The following USH2A variants were observed in gnomAD, a reference collection of about 807,000 sequenced individuals.
USH2A encodes the protein usherin.
USH2A carries 443 observed loss-of-function variants against 538.9 expected under a neutral mutation model. The observed-to-expected ratio is 0.82, with a 90% confidence interval of 0.76 to 0.89. The LOEUF is 0.89. Ranked by LOEUF, USH2A falls within the 40% of genes least tolerant of loss-of-function variation. USH2A has a pLI of 0.00. For missense variants in USH2A, 6,633 were observed against 6,324.8 expected (o/e 1.05, Z -1.65); for synonymous variants, 2,413 against 2,273.5 (o/e 1.06, Z -1.75).
chr1:216,211,235 G>C (rs914744198), intron 15 of USH2A, among the ~76,000 whole-genome samples: 1 of 152,134 alleles, frequency 6.6e-6, no homozygotes, highest in Admixed American at 6.5e-5. Flanking sequence ...AACCCAAGGA[G>C]GGAGTCATAG....
At chr1:215,871,180 C>A (rs535001205) in intron 43 of USH2A, among the ~76,000 whole-genome samples, 2 of 152,250 alleles carry the variant, frequency 1.3e-5, no homozygotes, top group Admixed American at 1.3e-4. Flanking sequence ...CTCCACTCCC[C>A]AAACAGCAAA....
At chr1:215,954,754 G>T (rs1013152192) in intron 37 of USH2A, among the ~76,000 whole-genome samples, 1 of 152,000 alleles carries the variant, frequency 6.6e-6, no homozygotes, top group Non-Finnish European at 1.5e-5. Flanking sequence ...AAAATTTTTT[G>T]TAATTATTGC....
At chr1:215,804,385 T>C (rs1483757249) in intron 49 of USH2A, among the ~76,000 whole-genome samples, 1 of 152,106 alleles carries the variant, frequency 6.6e-6, no homozygotes, top group Non-Finnish European at 1.5e-5. Context: ...AATCTACTCA[T>C]CTGACAAAGG....
At chr1:215,771,779 G>A (rs1277845447) in intron 55 of USH2A, among the ~76,000 whole-genome samples, 1 of 151,906 alleles carries the variant, frequency 6.6e-6, no homozygotes, top group Non-Finnish European at 1.5e-5. Flanking sequence ...TAGACTACAA[G>A]GAAGTTTTCT....
At chr1:216,231,121 C>T (rs943841872) in intron 14 of USH2A, among the ~76,000 whole-genome samples, 5 of 147,878 alleles carry the variant, frequency 3.4e-5, no homozygotes, top group African/African-American at 1.0e-4. Context: ...TTCTCATCTG[C>T]CAGTCTTTAA....
chr1:215,792,285 C>G (rs11120632), intron 50 of USH2A, among the ~76,000 whole-genome samples: 51,458 of 151,972 alleles, frequency 0.34, 8,833 homozygotes, highest in African/African-American at 0.38. Flanking sequence ...AAAAAAGATG[C>G]CTTCTTTCAC....
intron 41 of USH2A, 69 bp from the exon 42 acceptor site, chr1:215,879,167 C>A: frequency 7.0e-7 from 1 of 1,421,414 alleles, no homozygotes; most frequent in Non-Finnish European, 9.9e-7. Flanking sequence ...TTCACGAGGC[C>A]TAGAATTTTG....
rs2036145835 is a variant in USH2A, at chr1:216,250,887, T to C, written c.2167+16A>G. 2 of 1,613,410 alleles carry C rather than the reference T, an allele frequency of 1.2e-6. No homozygotes were observed. The highest frequency in any genetic ancestry group is 1.3e-5 in the African/African-American group (1 of 75,052). On this transcript the variant is annotated intron_variant, in intron 12 of 71. Transcript: ENST00000307340. The stretch of plus-strand genomic sequence containing the variant: ...GGTAATAGAGATGTGACTGTAAACT[T>C]TTGCGTTACACGTACCAATAACGTT...
chr1:215,863,310 C>A (rs1664379751), intron 44 of USH2A, among the ~76,000 whole-genome samples: 1 of 152,094 alleles, frequency 6.6e-6, no homozygotes, highest in Admixed American at 6.6e-5. Context: ...CAGATGTGGT[C>A]TCTTCTATTT....
At chr1:215,861,596 C>G (rs1194459991) in intron 44 of USH2A, among the ~76,000 whole-genome samples, 2 of 152,102 alleles carry the variant, frequency 1.3e-5, no homozygotes, top group Admixed American at 1.3e-4. Context: ...TGTCCTCATT[C>G]CAGTCCAGGG....
At chr1:216,147,708 G>A (rs750236537) in intron 21 of USH2A, among the ~76,000 whole-genome samples, 8 of 150,486 alleles carry the variant, frequency 5.3e-5, no homozygotes, top group Non-Finnish European at 1.2e-4. Flanking sequence ...GCAATTCCTT[G>A]CCTCCACTGT....
intron 9 of USH2A, among the ~76,000 whole-genome samples, chr1:216,294,746 T>G (rs934677278): frequency 6.6e-6 from 1 of 151,998 alleles, no homozygotes; most frequent in African/African-American, 2.4e-5. Context: ...AATTGTTATA[T>G]CTTCACTATT....
rs2102821801 is a variant in USH2A, at chr1:215,844,375, A to C, written c.9177T>G (p.Asn3059Lys). The C allele has an allele frequency of 1.2e-6, 2 of 1,613,840 alleles. No individual in the cohort carries two copies. The highest frequency in any genetic ancestry group is 1.7e-6 in the Non-Finnish European group (2 of 1,179,880). The part of the protein sequence containing the change: ...VVTEYSIYVN[N>K]KLYKTGMNVP... ...CATTCATTCCAGTCTTGTAGAGCTTATTATTTACATAGATAGAATACTCAG... is the reference window on the plus strand; with the variant it reads ...CATTCATTCCAGTCTTGTAGAGCTTCTTATTTACATAGATAGAATACTCAG... The change falls in exon 46 of 72, where the codon AAT becomes AAG. Residue 3059 changes from asparagine (N) to lysine (K), a missense_variant. By Grantham distance (94) the Asn-to-Lys change is moderately conservative. Transcript: ENST00000307340.
chr1:216,297,361 A>G (rs2037128623), intron 9 of USH2A, among the ~76,000 whole-genome samples: 1 of 152,140 alleles, frequency 6.6e-6, no homozygotes. Context: ...AGTTACTCCT[A>G]GAGTCCTCTT....
intron 61 of USH2A, among the ~76,000 whole-genome samples, chr1:215,685,540 T>G (rs562502990): frequency 1.3e-5 from 2 of 152,100 alleles, no homozygotes; most frequent in East Asian, 3.9e-4. Flanking sequence ...GTATTTTAAG[T>G]AGAGACGGGG....
intron 71 of USH2A, among the ~76,000 whole-genome samples, chr1:215,627,422 TTCCTTCCTTCCTTCCTTCCTTCC>T (rs1656077781): frequency 8.2e-5 from 10 of 122,488 alleles, no homozygotes; most frequent in African/African-American, 3.1e-4. Context: ...CCTTCCTTCC[TTCCTTCCTTCCTTCCTTCCTTCC>T]TTCCTTCCTT....
At chr1:216,347,730 T>C (rs930626951) in intron 4 of USH2A, among the ~76,000 whole-genome samples, 4 of 152,136 alleles carry the variant, frequency 2.6e-5, no homozygotes, top group Non-Finnish European at 5.9e-5. Flanking sequence ...TCTTTATCAA[T>C]TGTGGCTTTA....
rs181439659 is a variant in USH2A, at chr1:216,160,410, C to T, written c.4627+14842G>A. Among the ~76,000 whole-genome samples, 276 of 151,592 alleles carry T rather than the reference C, an allele frequency of 1.8e-3. 1 individual carries two copies. The highest frequency in any genetic ancestry group is 6.3e-3 in the African/African-American group (262 of 41,344). ...TTCTTTTTGAGCCAGGGATATTTTCCAATCGGATTATGTTTTAGATTTGGA... is the reference window on the plus strand; with the variant it reads ...TTCTTTTTGAGCCAGGGATATTTTCTAATCGGATTATGTTTTAGATTTGGA... On this transcript the variant is annotated intron_variant, in intron 21 of 71. Transcript: ENST00000307340.
At chr1:215,888,361 A>G in intron 41 of USH2A, 65 bp downstream of exon 41, 1 of 1,599,862 alleles carries the variant, frequency 6.3e-7, no homozygotes, top group Non-Finnish European at 8.5e-7. Flanking sequence ...GGCTCTGTTC[A>G]ACACAGAGTC....
Sources: allele counts gnomAD v4.1 joint callset (sites outside exome capture counted in the v4.1 genomes callset), GRCh38; gene constraint gnomAD v4.1.1; transcripts MANE v1.5; gene names NCBI Gene and HGNC (gene_info 2026-07-23, HGNC 2026-07-21).